The following OTOGL variants were observed in gnomAD, a reference collection of about 807,000 sequenced individuals.
OTOGL encodes the protein otogelin like, also known as otogelin-like protein.
OTOGL carries 285 observed loss-of-function variants against 318.5 expected under a neutral mutation model. The ratio of observed to expected loss-of-function variants is 0.89; its 90% confidence interval spans 0.81 to 0.99. The LOEUF is 0.99. Among genes scored for constraint, OTOGL ranks in the 50% least tolerant of loss-of-function variants. The pLI, the probability that OTOGL is intolerant of heterozygous loss-of-function variation, is 0.00. For missense variants in OTOGL, 2,899 were observed against 2,845.6 expected, an observed-to-expected ratio of 1.02 and a Z score of -0.43; for synonymous variants, 987 against 936.5, an observed-to-expected ratio of 1.05 and a Z score of -0.99.
chr12:80,327,380 G>A (rs1470481262), intron 35 of OTOGL, among the ~76,000 whole-genome samples: 3 of 152,092 alleles, frequency 2.0e-5, no homozygotes, highest in Non-Finnish European at 4.4e-5. Flanking sequence ...AATCTTTTCA[G>A]GCTGTCATAC....
chr12:80,211,653 A>C (rs1877264693), intron 3 of OTOGL, among the ~76,000 whole-genome samples: 1 of 152,156 alleles, frequency 6.6e-6, no homozygotes, highest in African/African-American at 2.4e-5. Flanking sequence ...TGGTGCTACA[A>C]TGTTACACTA....
At chr12:80,221,386 T>C (rs1006168406) in intron 6 of OTOGL, among the ~76,000 whole-genome samples, 1 of 151,606 alleles carries the variant, frequency 6.6e-6, no homozygotes, top group African/African-American at 2.4e-5. Flanking sequence ...TGTCTCAGCC[T>C]CCTGGGTAGC....
intron 1 of OTOGL, chr12:80,102,951 A>G: frequency 1.2e-6 from 1 of 860,916 alleles, no homozygotes; most frequent in South Asian, 1.3e-5. Context: ...TTCCTTTCCT[A>G]CTTGGCGAGA....
intron 22 of OTOGL, 33 bp downstream of exon 22, chr12:80,267,360 A>G: frequency 7.7e-7 from 1 of 1,291,814 alleles, no homozygotes; most frequent in Non-Finnish European, 1.1e-6. Flanking sequence ...GTGTTTGACA[A>G]ATGATGTATG....
At chr12:80,141,877 T>C (rs1871968436) in intron 1 of OTOGL, among the ~76,000 whole-genome samples, 1 of 152,122 alleles carries the variant, frequency 6.6e-6, no homozygotes, top group Non-Finnish European at 1.5e-5. Context: ...AGCAGCAGAA[T>C]TCGTTTTTGG....
intron 7 of OTOGL, among the ~76,000 whole-genome samples, chr12:80,223,298 A>G (rs1878531374): frequency 6.6e-6 from 1 of 151,632 alleles, no homozygotes; most frequent in Admixed American, 6.6e-5. Context: ...ATATATGTAT[A>G]TATATCATAT....
At chr12:80,350,103 A>C (rs1889451128) in intron 44 of OTOGL, among the ~76,000 whole-genome samples, 1 of 152,188 alleles carries the variant, frequency 6.6e-6, no homozygotes, top group Non-Finnish European at 1.5e-5. Context: ...TCCTTGCTCA[A>C]TTCTATAAGA....
chr12:80,281,872 A>G (rs1884259811), intron 26 of OTOGL, among the ~76,000 whole-genome samples: 1 of 151,876 alleles, frequency 6.6e-6, no homozygotes, highest in Non-Finnish European at 1.5e-5. Flanking sequence ...GAGTTCAATA[A>G]ATGTTAGCCA....
chr12:80,222,315 G>A, intron 7 of OTOGL, 70 bp downstream of exon 7: 4 of 1,374,952 alleles, frequency 2.9e-6, no homozygotes, highest in South Asian at 1.5e-5. Flanking sequence ...TTAAAGTACT[G>A]GGAAAATGAT....
intron 29 of OTOGL, among the ~76,000 whole-genome samples, chr12:80,308,151 C>A (rs1333466321): frequency 1.3e-5 from 2 of 149,804 alleles, no homozygotes; most frequent in Non-Finnish European, 3.0e-5. Flanking sequence ...GGGGCTGACA[C>A]CCCCACCTCC....
intron 1 of OTOGL, among the ~76,000 whole-genome samples, chr12:80,173,735 T>C (rs1457809562): frequency 1.3e-5 from 2 of 152,174 alleles, no homozygotes; most frequent in African/African-American, 4.8e-5. Flanking sequence ...CAAATGCCTT[T>C]GACATATTTC....
chr12:80,356,015 C>A, intron 47 of OTOGL, 67 bp downstream of exon 47: 2 of 1,515,914 alleles, frequency 1.3e-6, no homozygotes, highest in Non-Finnish European at 1.8e-6. Context: ...TGTGAAAAAG[C>A]AGAGCATATA....
intron 1 of OTOGL, among the ~76,000 whole-genome samples, chr12:80,107,657 C>G (rs1869535660): frequency 6.6e-6 from 1 of 152,074 alleles, no homozygotes; most frequent in Non-Finnish European, 1.5e-5. Flanking sequence ...CACATACGTT[C>G]ATTGCAGCGC....
At chr12:80,193,229 G>A (rs1227649907) in intron 1 of OTOGL, among the ~76,000 whole-genome samples, 1 of 152,096 alleles carries the variant, frequency 6.6e-6, no homozygotes, top group Non-Finnish European at 1.5e-5. Flanking sequence ...TAAGAATAAG[G>A]TAAGCAGGCC....
intron 1 of OTOGL, among the ~76,000 whole-genome samples, chr12:80,148,147 C>G (rs1403259278): frequency 1.1e-4 from 17 of 151,498 alleles, no homozygotes; most frequent in Non-Finnish European, 2.1e-4. Context: ...TCTTCCTAGT[C>G]TCGATGGTCT....
At chr12:80,283,162 T>C (rs1476695480) in intron 26 of OTOGL, among the ~76,000 whole-genome samples, 5 of 145,804 alleles carry the variant, frequency 3.4e-5, no homozygotes, top group Non-Finnish European at 7.7e-5. Context: ...TTCTTGACTA[T>C]ATTTCTGACT....
intron 1 of OTOGL, among the ~76,000 whole-genome samples, chr12:80,126,718 G>T (rs1203427344): frequency 2.6e-5 from 4 of 152,154 alleles, no homozygotes; most frequent in Non-Finnish European, 5.9e-5. Context: ...ATGAATCTGG[G>T]TGCTCTTGTA....
intron 52 of OTOGL, among the ~76,000 whole-genome samples, chr12:80,365,019 T>C (rs539612975): frequency 6.6e-6 from 1 of 152,204 alleles, no homozygotes; most frequent in African/African-American, 2.4e-5. Flanking sequence ...TTTACAAGGC[T>C]GTGGAGAAAT....
intron 8 of OTOGL, among the ~76,000 whole-genome samples, chr12:80,232,383 CAT>C (rs1879448162): frequency 6.6e-6 from 1 of 152,126 alleles, no homozygotes; most frequent in African/African-American, 2.4e-5. Flanking sequence ...GATAGAAACT[CAT>C]ATTTCCTTAT....
Sources: allele counts gnomAD v4.1 joint callset (sites outside exome capture counted in the v4.1 genomes callset), GRCh38; gene constraint gnomAD v4.1.1; transcripts MANE v1.5; gene names NCBI Gene and HGNC (gene_info 2026-07-23, HGNC 2026-07-21).